Variants in LRMDA observed in about 807,000 individuals in gnomAD.
The protein encoded by LRMDA is leucine-rich melanocyte differentiation-associated protein.
In LRMDA, 18 loss-of-function variants were observed where a neutral mutation model predicts 29.8. That is an observed-to-expected ratio of 0.60 (90% CI 0.42 to 0.90). The LOEUF (loss-of-function observed/expected upper bound fraction) is 0.90, where lower values mean the gene tolerates loss of function less well. LRMDA is among the 40% of genes least tolerant of loss of function. The pLI is 0.00. For synonymous variants in LRMDA, 125 were observed against 109.4 expected, an observed-to-expected ratio of 1.14 and a Z score of -0.89; for missense variants, 273 against 273.9, an observed-to-expected ratio of 1.00 and a Z score of 0.02.
rs75141382 is a variant in LRMDA, at chr10:75,473,733, C to A, written c.131+35239C>A. 5.0e-3 allele frequency among the ~76,000 whole-genome samples: 768 copies of A among 152,266 alleles called. 8 individuals carry two copies. The highest frequency in any genetic ancestry group is 8.8e-3 in the Non-Finnish European group (599 of 68,012). ...TAAATGAGGTGATGCTTGTAGGCTG[C>A]CTGTGTAGTGTCTGACTTATGGAAA... is the stretch of plus-strand genomic sequence containing the variant. On this transcript the variant is annotated intron_variant, in intron 2 of 6. Transcript: ENST00000611255.
chr10:75,553,389 A>C (rs1467423222), intron 2 of LRMDA, among the ~76,000 whole-genome samples: 2 of 152,204 alleles, frequency 1.3e-5, no homozygotes, highest in Non-Finnish European at 2.9e-5. Flanking sequence ...AGCTGGTCCC[A>C]TATGCTTACT....
intron 5 of LRMDA, among the ~76,000 whole-genome samples, chr10:76,117,747 G>A (rs117025236): frequency 0.014 from 2,179 of 152,300 alleles, 28 homozygotes; most frequent in Non-Finnish European, 0.02. Context: ...AAAAATTTGA[G>A]CAAACTTTGG....
intron 1 of LRMDA, among the ~76,000 whole-genome samples, chr10:75,435,713 A>G (rs1897192): frequency 0.12 from 17,725 of 152,212 alleles, 3,022 homozygotes; most frequent in African/African-American, 0.38. Flanking sequence ...CAAATGCTTT[A>G]TGATAGCTCT....
At chr10:76,392,988 C>T (rs1841741613) in intron 6 of LRMDA, among the ~76,000 whole-genome samples, 1 of 152,138 alleles carries the variant, frequency 6.6e-6, no homozygotes, top group South Asian at 2.1e-4. Flanking sequence ...TCTCCAGGTT[C>T]ATCCATGTTG....
chr10:75,937,606 C>G (rs1846319679), intron 2 of LRMDA, among the ~76,000 whole-genome samples: 1 of 152,140 alleles, frequency 6.6e-6, no homozygotes, highest in South Asian at 2.1e-4. Flanking sequence ...GTTAAGACAC[C>G]CTTTAAACCA....
chr10:75,641,629 G>A (rs908872969), intron 2 of LRMDA, among the ~76,000 whole-genome samples: 1 of 151,868 alleles, frequency 6.6e-6, no homozygotes, highest in Non-Finnish European at 1.5e-5. Context: ...TTGTGGAGAC[G>A]GGGTTTTGTC....
intron 2 of LRMDA, among the ~76,000 whole-genome samples, chr10:75,541,366 G>A (rs12255117): frequency 0.025 from 3,744 of 147,230 alleles, 168 homozygotes; most frequent in African/African-American, 0.088. Context: ...TTGTTTTTAA[G>A]TCATCTTTTA....
intron 5 of LRMDA, among the ~76,000 whole-genome samples, chr10:76,297,150 T>A (rs543495752): frequency 6.6e-6 from 1 of 152,368 alleles, no homozygotes; most frequent in African/African-American, 2.4e-5. Context: ...TATGTTGCAA[T>A]AAATGTTATC....
intron 6 of LRMDA, among the ~76,000 whole-genome samples, chr10:76,463,916 A>ATTTT (rs1842537059): frequency 2.0e-5 from 1 of 49,890 alleles, no homozygotes; most frequent in Non-Finnish European, 5.4e-5. Context: ...GTGCAAAATA[A>ATTTT]ATTTTTTTTT....
intron 2 of LRMDA, among the ~76,000 whole-genome samples, chr10:75,566,704 T>C (rs1054293408): frequency 5.3e-5 from 8 of 152,188 alleles, no homozygotes; most frequent in Admixed American, 1.3e-4. Context: ...CTTTTTTTCT[T>C]ATCAACTCCA....
intron 2 of LRMDA, among the ~76,000 whole-genome samples, chr10:75,448,048 G>A (rs1270411647): frequency 6.6e-6 from 1 of 152,174 alleles, no homozygotes; most frequent in African/African-American, 2.4e-5. Context: ...TTTGTGCCAC[G>A]GTAAGACTGG....
chr10:75,951,528 A>T (rs965638482), intron 2 of LRMDA, among the ~76,000 whole-genome samples: 5 of 152,208 alleles, frequency 3.3e-5, no homozygotes, highest in Non-Finnish European at 7.3e-5. Flanking sequence ...GAAAGCCCAG[A>T]TGTCTCAAAG....
chr10:75,497,027 C>T (rs916749192), intron 2 of LRMDA, among the ~76,000 whole-genome samples: 8 of 149,730 alleles, frequency 5.3e-5, no homozygotes, highest in Non-Finnish European at 1.2e-4. Context: ...TAGAGATTGA[C>T]AGAGAATGAA....
At position 75,951,308 on chromosome 10, in the gene LRMDA, T is replaced by C. The variant is rs567440183; in HGVS notation, c.132-84700T>C. Among the ~76,000 whole-genome samples, 3 of 152,228 alleles carry C rather than the reference T, an allele frequency of 2.0e-5. No homozygotes were observed. The South Asian group carries it at 6.2e-4, about 32-fold the overall frequency. On this transcript the variant is annotated intron_variant, in intron 2 of 6. Transcript: ENST00000611255. ...AGTGGTGGTGGGCGGTAGCAGGCAG[T>C]AATAATCTGGGGAGCTTGGAAAGTG...
At chr10:75,529,178 C>T (rs1845447555) in intron 2 of LRMDA, among the ~76,000 whole-genome samples, 1 of 152,214 alleles carries the variant, frequency 6.6e-6, no homozygotes, top group African/African-American at 2.4e-5. Flanking sequence ...AATAGACTCA[C>T]ACCACCTCAC....
intron 1 of LRMDA, among the ~76,000 whole-genome samples, chr10:75,434,298 T>A (rs948825265): frequency 3.3e-5 from 5 of 152,220 alleles, no homozygotes; most frequent in Admixed American, 3.3e-4. Context: ...ACTTTTAATA[T>A]GTTAGCTCAT....
chr10:76,268,401 T>C (rs1485214099), intron 5 of LRMDA, among the ~76,000 whole-genome samples: 2 of 152,248 alleles, frequency 1.3e-5, no homozygotes, highest in Non-Finnish European at 2.9e-5. Flanking sequence ...CTTCTGCACT[T>C]GCCCTCCATG....
chr10:76,007,031 T>TGTGCGCGC (rs1230411095), intron 2 of LRMDA, among the ~76,000 whole-genome samples: 22 of 26,964 alleles, frequency 8.2e-4, no homozygotes, highest in African/African-American at 2.2e-3. Context: ...TGTGTGTGTG[T>TGTGCGCGC]GCGCGTGTGT....
chr10:75,542,493 A>G (rs1840030215), intron 2 of LRMDA, among the ~76,000 whole-genome samples: 1 of 152,112 alleles, frequency 6.6e-6, no homozygotes, highest in Admixed American at 6.5e-5. Context: ...TCTGTCTCTC[A>G]TTTCTTCTAG....
Sources: gnomAD v4.1 joint callset for allele counts (sites outside exome capture counted in the v4.1 genomes callset) on GRCh38, gnomAD v4.1.1 for gene constraint, MANE v1.5 for transcripts, NCBI Gene and HGNC (gene_info 2026-07-23, HGNC 2026-07-21) for gene names.